RUNX1: variants seen among roughly 807,000 people sequenced by gnomAD.
RUNX1 encodes the protein runt-related transcription factor 1.
A neutral mutation model predicts 42.8 loss-of-function variants in RUNX1; 19 were observed. The ratio of observed to expected loss-of-function variants is 0.44; its 90% CI spans 0.31 to 0.65. The LOEUF is 0.65. Ranked by LOEUF, RUNX1 falls within the 30% of genes least tolerant of loss-of-function variation. RUNX1 has a pLI of 0.07. For synonymous variants in RUNX1, 271 were observed against 289.4 expected (o/e 0.94, Z 0.64); for missense variants, 528 against 672.0 (o/e 0.79, Z 2.37).
intron 6 of RUNX1, among the ~76,000 whole-genome samples, chr21:34,839,729 A>T (rs893326993): frequency 6.6e-6 from 1 of 152,100 alleles, no homozygotes; most frequent in African/African-American, 2.4e-5. Flanking sequence ...GAGTTCTAAT[A>T]AGGTCCCAGG....
chr21:34,849,071 C>A (rs954323780), intron 6 of RUNX1, among the ~76,000 whole-genome samples: 1 of 150,038 alleles, frequency 6.7e-6, no homozygotes, highest in Non-Finnish European at 1.5e-5. Context: ...TGAAAGATTT[C>A]AATAGCAGTC....
In RUNX1 at chr21:34,931,878, G is replaced by A. The variant is rs74865392; in HGVS notation, c.59-38915C>T. Among the ~76,000 whole-genome samples, 368 of 152,166 alleles carry A rather than the reference G, an allele frequency of 2.4e-3. 1 individual carries two copies. The highest frequency in any genetic ancestry group is 8.4e-3 in the African/African-American group (350 of 41,482). On this transcript the variant is annotated intron_variant, in intron 2 of 8. Transcript: ENST00000675419. ...GAGTGGTTGGATTTGTGTTCAAAGC[G>A]CCCTGAGAAGTCTGTACTGAATTCC...
intron 2 of RUNX1, among the ~76,000 whole-genome samples, chr21:34,955,823 G>C (rs1390132428): frequency 6.6e-6 from 1 of 152,168 alleles, no homozygotes; most frequent in African/African-American, 2.4e-5. Context: ...GAAATGAAAT[G>C]CCTTTCTCTA....
intron 7 of RUNX1, among the ~76,000 whole-genome samples, chr21:34,819,593 C>T (rs1377266826): frequency 1.3e-5 from 2 of 152,250 alleles, no homozygotes. Context: ...CCCTGCCATT[C>T]GTCACCCTGA....
chr21:35,018,871 G>A (rs1325355785), intron 2 of RUNX1, among the ~76,000 whole-genome samples: 1 of 152,176 alleles, frequency 6.6e-6, no homozygotes, highest in East Asian at 1.9e-4. Flanking sequence ...ATGAGATCAG[G>A]AACCCCTCAG....
intron 2 of RUNX1, among the ~76,000 whole-genome samples, chr21:34,900,289 T>C (rs984643399): frequency 1.3e-5 from 2 of 152,228 alleles, no homozygotes; most frequent in Non-Finnish European, 2.9e-5. Context: ...TTTAGCCACA[T>C]TGCAAGTGGT....
chr21:34,863,242 C>T (rs1233439423), intron 5 of RUNX1, among the ~76,000 whole-genome samples: 4 of 152,208 alleles, frequency 2.6e-5, no homozygotes, highest in African/African-American at 9.7e-5. Context: ...GGTCATAAAT[C>T]TCCACCCGCA....
At chr21:34,930,725 AC>A (rs1569110762) in intron 2 of RUNX1, among the ~76,000 whole-genome samples, 1 of 150,920 alleles carries the variant, frequency 6.6e-6, no homozygotes, top group African/African-American at 2.5e-5. Context: ...TCTCTCACAC[AC>A]ACACACACAC....
At chr21:34,885,352 G>A (rs1442373770) in intron 4 of RUNX1, among the ~76,000 whole-genome samples, 1 of 152,154 alleles carries the variant, frequency 6.6e-6, no homozygotes, top group African/African-American at 2.4e-5. Context: ...GTCCATTTAG[G>A]CAAAGGGTTA....
At chr21:34,957,426 T>A (rs2058652338) in intron 2 of RUNX1, among the ~76,000 whole-genome samples, 1 of 152,122 alleles carries the variant, frequency 6.6e-6, no homozygotes. Context: ...CTTTGGAAGG[T>A]AAATGCTTCC....
intron 2 of RUNX1, among the ~76,000 whole-genome samples, chr21:34,956,046 T>C (rs1230231825): frequency 2.0e-5 from 3 of 152,234 alleles, no homozygotes; most frequent in Admixed American, 1.3e-4. Flanking sequence ...AGCACATTTG[T>C]AGTAAATCCT....
At chr21:35,033,046 T>C (rs1307889687) in intron 2 of RUNX1, among the ~76,000 whole-genome samples, 4 of 152,186 alleles carry the variant, frequency 2.6e-5, no homozygotes, top group Non-Finnish European at 1.5e-5. Flanking sequence ...TCTATCCATC[T>C]ACCTGCCTAT....
intron 5 of RUNX1, among the ~76,000 whole-genome samples, chr21:34,873,211 A>G (rs2057765334): frequency 1.3e-5 from 2 of 152,236 alleles, no homozygotes; most frequent in African/African-American, 4.8e-5. Context: ...TTCCACCTCC[A>G]GAGATCTGAT....
chr21:34,895,017 T>G (rs2058118651), intron 2 of RUNX1, among the ~76,000 whole-genome samples: 1 of 152,076 alleles, frequency 6.6e-6, no homozygotes, highest in Non-Finnish European at 1.5e-5. Context: ...TTGGTAGAGT[T>G]CTAAAAAATT....
chr21:34,917,826 G>A (rs939803524), intron 2 of RUNX1, among the ~76,000 whole-genome samples: 4 of 152,190 alleles, frequency 2.6e-5, no homozygotes, highest in East Asian at 3.9e-4. Flanking sequence ...AAGAATGAGA[G>A]GTTGTTATAA....
intron 4 of RUNX1, among the ~76,000 whole-genome samples, chr21:34,881,601 A>G (rs2057906555): frequency 6.6e-6 from 1 of 152,226 alleles, no homozygotes; most frequent in Non-Finnish European, 1.5e-5. Context: ...ATGTCCTCAC[A>G]GATGCCTGAG....
At chr21:34,987,377 G>T (rs1265215455) in intron 2 of RUNX1, among the ~76,000 whole-genome samples, 1 of 152,180 alleles carries the variant, frequency 6.6e-6, no homozygotes, top group East Asian at 1.9e-4. Context: ...GAGATCTTCG[G>T]GGCTCCAGAC....
At chr21:34,981,910 C>G (rs970339000) in intron 2 of RUNX1, among the ~76,000 whole-genome samples, 1 of 152,170 alleles carries the variant, frequency 6.6e-6, no homozygotes, top group Non-Finnish European at 1.5e-5. Context: ...CCCCCCTCAA[C>G]AAATCTCTCT....
chr21:34,963,210 A>C (rs1314799858), intron 2 of RUNX1, among the ~76,000 whole-genome samples: 1 of 152,150 alleles, frequency 6.6e-6, no homozygotes, highest in Non-Finnish European at 1.5e-5. Context: ...TTGGTTTCCA[A>C]AGACCAGTCC....
Sources: gnomAD v4.1 joint callset for allele counts (sites outside exome capture counted in the v4.1 genomes callset) on GRCh38, gnomAD v4.1.1 for gene constraint, MANE v1.5 for transcripts, NCBI Gene and HGNC (gene_info 2026-07-23, HGNC 2026-07-21) for gene names.